CNTNAP2: variants seen among roughly 807,000 people sequenced by gnomAD.
CNTNAP2 encodes the protein contactin-associated protein-like 2.
CNTNAP2 carries 98 observed loss-of-function variants against 155.2 expected under a neutral mutation model. The ratio of observed to expected loss-of-function variants is 0.63; its 90% CI spans 0.54 to 0.75. The LOEUF (loss-of-function observed/expected upper bound fraction) is 0.75. Among genes scored for constraint, CNTNAP2 ranks in the 30% least tolerant of loss-of-function variants. The probability of loss-of-function intolerance (pLI) is 0.00; values close to 1 mark genes in which losing one functional copy is unlikely to be tolerated. For synonymous variants in CNTNAP2, 651 were observed against 631.2 expected (o/e 1.03, Z -0.47); for missense variants, 1,727 against 1,688.1 (o/e 1.02, Z -0.40).
intron 21 of CNTNAP2, among the ~76,000 whole-genome samples, chr7:148,300,484 A>C (rs1330958356): frequency 6.6e-6 from 1 of 152,084 alleles, no homozygotes; most frequent in Non-Finnish European, 1.5e-5. Flanking sequence ...TTCTTTTCTC[A>C]ATAAGATTAA....
At chr7:147,631,234 A>G (rs1242662392) in intron 12 of CNTNAP2, among the ~76,000 whole-genome samples, 1 of 152,076 alleles carries the variant, frequency 6.6e-6, no homozygotes, top group Non-Finnish European at 1.5e-5. Context: ...CAGCTTCACA[A>G]AGTAATAATA....
intron 18 of CNTNAP2, chr7:148,190,551 A>G (rs1795188817): frequency 6.6e-6 from 1 of 152,172 alleles, no homozygotes; most frequent in African/African-American, 2.4e-5. Flanking sequence ...TCAAGAGGAG[A>G]TATGTACCTA....
At chr7:146,468,947 G>C (rs986639583) in intron 1 of CNTNAP2, among the ~76,000 whole-genome samples, 1 of 152,084 alleles carries the variant, frequency 6.6e-6, no homozygotes, top group African/African-American at 2.4e-5. Context: ...AAAAACTGTG[G>C]AAGAAAAAGA....
chr7:146,926,661 T>C (rs1198985488), intron 3 of CNTNAP2, among the ~76,000 whole-genome samples: 1 of 152,098 alleles, frequency 6.6e-6, no homozygotes, highest in Non-Finnish European at 1.5e-5. Flanking sequence ...AAACAATTTT[T>C]AAAACAATCA....
intron 1 of CNTNAP2, among the ~76,000 whole-genome samples, chr7:146,622,241 G>GTC (rs1469976683): frequency 8.8e-6 from 1 of 114,176 alleles, no homozygotes; most frequent in East Asian, 4.3e-4. Context: ...ATATGTGTGT[G>GTC]TATATCTATC....
intron 16 of CNTNAP2, among the ~76,000 whole-genome samples, chr7:148,125,317 T>C (rs2116620090): frequency 6.6e-6 from 1 of 152,166 alleles, no homozygotes; most frequent in South Asian, 2.1e-4. Context: ...TATTGGTAAA[T>C]TGCATGTCAC....
chr7:148,095,184 G>A (rs147748329), intron 15 of CNTNAP2, among the ~76,000 whole-genome samples: 7 of 152,112 alleles, frequency 4.6e-5, no homozygotes, highest in South Asian at 2.1e-4. Context: ...CCACAGAAAC[G>A]CCAGTTTGCC....
intron 12 of CNTNAP2, among the ~76,000 whole-genome samples, chr7:147,610,740 G>T (rs1175682243): frequency 6.6e-6 from 1 of 151,996 alleles, no homozygotes; most frequent in African/African-American, 2.4e-5. Flanking sequence ...ATGTTTGTTT[G>T]TTGGTTGGTT....
chr7:146,501,560 A>T (rs1294957934), intron 1 of CNTNAP2, among the ~76,000 whole-genome samples: 1 of 152,134 alleles, frequency 6.6e-6, no homozygotes, highest in Non-Finnish European at 1.5e-5. Flanking sequence ...TCCTGGTAGT[A>T]ATATCTAGTA....
chr7:147,760,328 A>T (rs1282729649), intron 13 of CNTNAP2, among the ~76,000 whole-genome samples: 1 of 151,978 alleles, frequency 6.6e-6, no homozygotes, highest in Non-Finnish European at 1.5e-5. Context: ...CTAGGAATTA[A>T]ATGTGATTTT....
intron 20 of CNTNAP2, among the ~76,000 whole-genome samples, chr7:148,264,674 C>T (rs569908655): frequency 5.1e-4 from 78 of 151,966 alleles, no homozygotes; most frequent in Non-Finnish European, 9.4e-4. Flanking sequence ...GAAAATAGAA[C>T]TTTGTTACAA....
intron 13 of CNTNAP2, among the ~76,000 whole-genome samples, chr7:147,853,294 A>G (rs1158003660): frequency 6.6e-6 from 1 of 152,212 alleles, no homozygotes; most frequent in Non-Finnish European, 1.5e-5. Flanking sequence ...ATTGCATTCA[A>G]TTCTAGACCT....
At position 148,217,346 on chromosome 7, in the gene CNTNAP2, A is replaced by C. The variant is rs1370527281; in HGVS notation, c.3069A>C (p.Ala1023=). ...TACGATATAACTTTCAGGCACCAGCAACAAATGCCAGAGACTCCAGCAGCA... is the reference window on the plus strand; with the variant it reads ...TACGATATAACTTTCAGGCACCAGCCACAAATGCCAGAGACTCCAGCAGCA... ...MWLRYNFQAP[A]TNARDSSSRV... Residue 1023 remains alanine (A), a synonymous_variant, in exon 19 of 24, where the codon GCA becomes GCC. Transcript: ENST00000361727. 1 of 1,614,132 alleles carries C rather than the reference A, an allele frequency of 6.2e-7. No homozygotes were observed.
At chr7:147,032,170 G>A (rs933602716) in intron 3 of CNTNAP2, among the ~76,000 whole-genome samples, 11 of 152,086 alleles carry the variant, frequency 7.2e-5, no homozygotes, top group Non-Finnish European at 1.2e-4. Context: ...AAAAAATGAC[G>A]TATTGCTCCC....
intron 1 of CNTNAP2, among the ~76,000 whole-genome samples, chr7:146,487,153 AT>A (rs1172005998): frequency 6.6e-6 from 1 of 152,152 alleles, no homozygotes; most frequent in African/African-American, 2.4e-5. Flanking sequence ...TCATTGATTC[AT>A]TTTTTCCATA....
At chr7:148,021,981 G>A (rs2116919386) in intron 15 of CNTNAP2, among the ~76,000 whole-genome samples, 1 of 152,206 alleles carries the variant, frequency 6.6e-6, no homozygotes, top group Non-Finnish European at 1.5e-5. Flanking sequence ...GGACCCAAAG[G>A]AACAGAAGGC....
At chr7:146,550,690 T>C (rs1478534882) in intron 1 of CNTNAP2, among the ~76,000 whole-genome samples, 1 of 152,078 alleles carries the variant, frequency 6.6e-6, no homozygotes, top group East Asian at 1.9e-4. Flanking sequence ...ACGTTTTATA[T>C]ACTAGACCAA....
intron 9 of CNTNAP2, among the ~76,000 whole-genome samples, chr7:147,330,183 T>G (rs917704524): frequency 1.3e-5 from 2 of 152,108 alleles, no homozygotes; most frequent in African/African-American, 4.8e-5. Flanking sequence ...GGGCTGGAGA[T>G]TAGGCTCTAT....
At chr7:146,330,770 T>TG (rs1041163598) in intron 1 of CNTNAP2, among the ~76,000 whole-genome samples, 5 of 152,016 alleles carry the variant, frequency 3.3e-5, no homozygotes, top group Admixed American at 2.6e-4. Flanking sequence ...GCGACAAAAA[T>TG]GGGGGGAAAT....
Sources: gnomAD v4.1 joint callset for allele counts (sites outside exome capture counted in the v4.1 genomes callset) on GRCh38, gnomAD v4.1.1 for gene constraint, MANE v1.5 for transcripts, NCBI Gene and HGNC (gene_info 2026-07-23, HGNC 2026-07-21) for gene names.